FHIT: variants seen among roughly 807,000 people sequenced by gnomAD.
The protein encoded by FHIT is bis(5'-adenosyl)-triphosphatase.
A neutral mutation model predicts 17.9 loss-of-function variants in FHIT; 19 were observed. That is an observed-to-expected ratio of 1.06 (90% CI 0.74 to 1.56). The LOEUF is 1.56. Among genes scored for constraint, FHIT ranks in the 40% most tolerant of loss-of-function variants. The pLI is 0.00. For missense variants in FHIT, 248 were observed against 189.2 expected, an observed-to-expected ratio of 1.31 and a Z score of -1.82; for synonymous variants, 81 against 69.7, an observed-to-expected ratio of 1.16 and a Z score of -0.81.
intron 2 of FHIT, among the ~76,000 whole-genome samples, chr3:61,128,909 A>G (rs186999138): frequency 1.4e-4 from 21 of 152,246 alleles, no homozygotes; most frequent in Non-Finnish European, 2.2e-4. Context: ...TGGACCCTAT[A>G]CATGCTTCCT....
intron 3 of FHIT, among the ~76,000 whole-genome samples, chr3:60,829,852 G>A (rs777398444): frequency 2.6e-5 from 4 of 152,140 alleles, no homozygotes; most frequent in Non-Finnish European, 4.4e-5. Flanking sequence ...TGCAGCTACA[G>A]GAGAAGATCT....
chr3:59,920,292 C>T (rs982801872), intron 8 of FHIT, among the ~76,000 whole-genome samples: 34 of 152,262 alleles, frequency 2.2e-4, no homozygotes, highest in African/African-American at 7.9e-4. Context: ...TAGTCTTGTA[C>T]CACAATTTCC....
chr3:59,823,876 G>A (rs539332882), intron 8 of FHIT, among the ~76,000 whole-genome samples: 2 of 152,130 alleles, frequency 1.3e-5, no homozygotes, highest in East Asian at 3.9e-4. Context: ...AGAAATAAAG[G>A]GCATCCAAAT....
At chr3:61,066,662 G>A (rs1470375221) in intron 2 of FHIT, among the ~76,000 whole-genome samples, 3 of 152,032 alleles carry the variant, frequency 2.0e-5, no homozygotes, top group African/African-American at 7.2e-5. Context: ...AAGTATTAAT[G>A]AGCCGTTATG....
In FHIT at chr3:60,308,496, GTATATATATATATA is replaced by G. The variant is rs5849349; in HGVS notation, c.103+228350_103+228363del. On this transcript the variant is annotated intron_variant, in intron 5 of 9. Transcript: ENST00000492590. Reference sequence around the variant, plus strand: ...TATAGGTATAGGTATAGGTGTATGTGTATATATATATATATATATATATATATATATATGCCTCT... The same window carrying G: ...TATAGGTATAGGTATAGGTGTATGTGTATATATATATATATATATGCCTCT... Among the ~76,000 whole-genome samples, 927 of 140,928 alleles carry G rather than the reference GTATATATATATATA, an allele frequency of 6.6e-3. 18 individuals carry two copies. The highest frequency in any genetic ancestry group is 0.021 in the African/African-American group (771 of 37,494). 92.5% of individuals were successfully genotyped at this position (140,928 alleles called of 152,430 possible).
chr3:60,644,274 C>A (rs62249152), intron 4 of FHIT, among the ~76,000 whole-genome samples: 15,220 of 151,830 alleles, frequency 0.1, 959 homozygotes, highest in South Asian at 0.13. Flanking sequence ...AGGTGTTTGC[C>A]CCACAATATT....
intron 5 of FHIT, among the ~76,000 whole-genome samples, chr3:60,472,121 G>T (rs534843774): frequency 7.7e-6 from 1 of 129,318 alleles, no homozygotes; most frequent in Non-Finnish European, 1.6e-5. Context: ...TCCACGTAAC[G>T]TAACTGCACT....
At chr3:60,489,721 T>C (rs1402905915) in intron 5 of FHIT, among the ~76,000 whole-genome samples, 1 of 152,206 alleles carries the variant, frequency 6.6e-6, no homozygotes, top group Non-Finnish European at 1.5e-5. Flanking sequence ...AATGTGGTAA[T>C]TTTTGGGGAT....
At position 59,940,002 on chromosome 3, in the gene FHIT, C is replaced by A. The variant is rs560629734; in HGVS notation, c.280-17588G>T. The stretch of plus-strand genomic sequence containing the variant: ...GGTTCAGGTCCTTAACCTTAGGTCA[C>A]GGGATGACAATATACAGAATCTGCA... On this transcript the variant is annotated intron_variant, in intron 7 of 9. Coordinates refer to ENST00000492590, the MANE Select transcript of FHIT (RefSeq NM_002012.4). Among the ~76,000 whole-genome samples, 3 of 152,142 alleles carry A rather than the reference C, an allele frequency of 2.0e-5. No homozygotes were observed. The South Asian group carries it at 6.2e-4, about 32-fold the overall frequency.
At chr3:60,716,415 A>T (rs1039661989) in intron 4 of FHIT, among the ~76,000 whole-genome samples, 1 of 151,870 alleles carries the variant, frequency 6.6e-6, no homozygotes, top group Non-Finnish European at 1.5e-5. Flanking sequence ...TTTTTTTGTT[A>T]AAAACTAAGA....
At chr3:60,093,106 T>C (rs1331258329) in intron 5 of FHIT, among the ~76,000 whole-genome samples, 2 of 152,136 alleles carry the variant, frequency 1.3e-5, no homozygotes, top group Admixed American at 1.3e-4. Flanking sequence ...ACTTAGTGGC[T>C]TCAAACCACA....
At chr3:60,812,605 C>T (rs1213162191) in intron 4 of FHIT, among the ~76,000 whole-genome samples, 1 of 152,126 alleles carries the variant, frequency 6.6e-6, no homozygotes, top group Admixed American at 6.5e-5. Flanking sequence ...GCCATGACTC[C>T]ACTGGTGACT....
At chr3:60,236,229 T>C (rs951225268) in intron 5 of FHIT, among the ~76,000 whole-genome samples, 6 of 150,860 alleles carry the variant, frequency 4.0e-5, no homozygotes, top group African/African-American at 1.2e-4. Flanking sequence ...ATTCCTCTGA[T>C]TGTAACAATA....
At chr3:61,232,440 G>A (rs142638828) in intron 1 of FHIT, among the ~76,000 whole-genome samples, 174 of 152,290 alleles carry the variant, frequency 1.1e-3, no homozygotes, top group African/African-American at 3.8e-3. Flanking sequence ...ACAGCACTCT[G>A]TGAGATGAAA....
intron 5 of FHIT, among the ~76,000 whole-genome samples, chr3:60,504,442 A>AC (rs1312316808): frequency 7.0e-6 from 1 of 142,402 alleles, no homozygotes; most frequent in African/African-American, 2.6e-5. Flanking sequence ...AAAAAAAAAA[A>AC]ATTTTTTTTT....
chr3:59,933,069 G>T (rs1206921806), intron 7 of FHIT, among the ~76,000 whole-genome samples: 1 of 152,034 alleles, frequency 6.6e-6, no homozygotes, highest in Non-Finnish European at 1.5e-5. Flanking sequence ...TTCTCCTGTA[G>T]TAGTAAGTTA....
chr3:61,043,386 A>C (rs899311697), intron 2 of FHIT, among the ~76,000 whole-genome samples: 31 of 152,294 alleles, frequency 2.0e-4, no homozygotes, highest in Admixed American at 1.9e-3. Context: ...TTAGCACAGC[A>C]GTCTGAGATC....
intron 5 of FHIT, among the ~76,000 whole-genome samples, chr3:60,026,682 C>CAATGGAAA (rs1024662263): frequency 1.3e-5 from 2 of 152,034 alleles, no homozygotes; most frequent in Non-Finnish European, 2.9e-5. Flanking sequence ...TGAAAACAAA[C>CAATGGAAA]AATGGAAAAA....
At chr3:60,341,682 T>A (rs1710522980) in intron 5 of FHIT, among the ~76,000 whole-genome samples, 1 of 152,152 alleles carries the variant, frequency 6.6e-6, no homozygotes, top group Non-Finnish European at 1.5e-5. Context: ...TGCTTTATAA[T>A]TAGCAACAGT....
Sources: gnomAD v4.1 joint callset for allele counts (sites outside exome capture counted in the v4.1 genomes callset) on GRCh38, gnomAD v4.1.1 for gene constraint, MANE v1.5 for transcripts, NCBI Gene and HGNC (gene_info 2026-07-23, HGNC 2026-07-21) for gene names.